The following FAM241A variants were observed in gnomAD, a reference collection of about 807,000 sequenced individuals.
FAM241A encodes uncharacterized protein FAM241A.
A neutral mutation model predicts 12.2 loss-of-function variants in FAM241A; 7 were observed. The observed-to-expected ratio is 0.58, with a 90% CI of 0.33 to 1.08. The LOEUF is 1.08. FAM241A is among the 50% of genes least tolerant of loss of function. FAM241A has a pLI of 0.04. For synonymous variants in FAM241A, 74 were observed against 68.2 expected (o/e 1.08, Z -0.42); for missense variants, 161 against 169.7 (o/e 0.95, Z 0.29).
intron 1 of FAM241A, among the ~76,000 whole-genome samples, chr4:112,180,782 A>G (rs1723918749): frequency 6.6e-6 from 1 of 152,198 alleles, no homozygotes; most frequent in African/African-American, 2.4e-5. Context: ...AGCAACTGGA[A>G]AAGTACGGAA....
rs2110437353 is a variant in FAM241A at position 112,188,121 on chromosome 4, A to G, written c.*1183A>G. 6.6e-6 allele frequency: 1 copy of G among 152,298 alleles called. No individual in the cohort carries two copies. Among genetic ancestry groups the G allele is most frequent in the South Asian group, 2.1e-4 (1 of 4,832 alleles). The allele number at this position is 152,298 out of a possible 1,614,324, so 9.4% of individuals were successfully genotyped here. ...TTTAAATATTCTTTGAAAATGGAGA[A>G]TGGCTTTAGTGATATTTTGGGTTTT... On this transcript the variant is annotated 3_prime_UTR_variant, in exon 2 of 2. Coordinates refer to ENST00000309733, the MANE Select transcript of FAM241A (RefSeq NM_152400.3).
rs2110440131 is a variant in FAM241A, at chr4:112,193,302, G to T, written c.*6364G>T. The T allele has an allele frequency of 6.6e-6, 1 of 152,272 alleles. No individual in the cohort carries two copies. Among genetic ancestry groups the T allele is most frequent in the African/African-American group, 2.4e-5 (1 of 41,530 alleles). The allele number at this position is 152,272 out of a possible 1,614,324, so 9.4% of individuals were successfully genotyped here. The stretch of plus-strand genomic sequence containing the variant: ...TTTTCTGCCATTTTGTAAGTTGCCT[G>T]TTCACTCTGATGGTAGTTTCTTTTG... On this transcript the variant is annotated 3_prime_UTR_variant, in exon 2 of 2. Transcript: ENST00000309733.
chr4:112,181,598 T>C (rs747858436), intron 1 of FAM241A, among the ~76,000 whole-genome samples: 1 of 152,178 alleles, frequency 6.6e-6, no homozygotes, highest in East Asian at 1.9e-4. Context: ...TCAGAATGCA[T>C]TGAAAGAGCA....
intron 1 of FAM241A, among the ~76,000 whole-genome samples, chr4:112,149,863 T>C (rs1307996038): frequency 6.6e-6 from 1 of 152,184 alleles, no homozygotes; most frequent in Non-Finnish European, 1.5e-5. Flanking sequence ...TATTTTCACA[T>C]TGGCTGTAAA....
rs186191252 is a variant in FAM241A, at chr4:112,158,110, T to C, written c.153+12377T>C. On this transcript the variant is annotated intron_variant, in intron 1 of 1. Transcript: ENST00000309733. ...CTTTGTCCTTCATTATTTATTTTAT[T>C]ATAATTTATTATTATGGTTTATTTA... 1.5e-3 allele frequency among the ~76,000 whole-genome samples: 234 copies of C among 152,148 alleles called. 1 individual carries two copies. The highest frequency in any genetic ancestry group is 5.5e-3 in the African/African-American group (229 of 41,570).
At chr4:112,181,925 G>A (rs2110434541) in intron 1 of FAM241A, among the ~76,000 whole-genome samples, 1 of 152,294 alleles carries the variant, frequency 6.6e-6, no homozygotes, top group Non-Finnish European at 1.5e-5. Context: ...AACCACTGTG[G>A]CTACATTGTG....
chr4:112,145,745 G>T lies in FAM241A; in HGVS notation c.153+12G>T. 1 of 1,181,112 alleles carries T rather than the reference G, an allele frequency of 8.5e-7. No individual in the cohort carries two copies. The highest frequency in any genetic ancestry group is 1.0e-6 in the Non-Finnish European group (1 of 955,352). 73.2% of individuals were successfully genotyped at this position (1,181,112 alleles called of 1,614,324 possible). A position where few individuals can be genotyped will look rare whatever the true frequency, so the allele number is the denominator to read the frequency against. ...AGGAGAGCGAGCAGGTGAGCGCGGG[G>T]AGGGGCGGCGGCGAAGCGGCCGGGT... On this transcript the variant is annotated intron_variant, in intron 1 of 1. Transcript: ENST00000309733.
chr4:112,177,702 G>A (rs958006943), intron 1 of FAM241A, among the ~76,000 whole-genome samples: 4 of 152,068 alleles, frequency 2.6e-5, no homozygotes, highest in Admixed American at 2.6e-4. Context: ...AAAATTACAA[G>A]CATCTTGAGA....
intron 1 of FAM241A, among the ~76,000 whole-genome samples, chr4:112,181,643 G>A (rs904500265): frequency 8.5e-5 from 13 of 152,202 alleles, no homozygotes; most frequent in African/African-American, 3.1e-4. Context: ...TGAAGCTTAA[G>A]CTAAGACCAA....
rs971442342 is a variant in FAM241A, at chr4:112,189,559, TAAAC to T, written c.*2623_*2626del. On this transcript the variant is annotated 3_prime_UTR_variant, in exon 2 of 2. Coordinates refer to ENST00000309733, the MANE Select transcript of FAM241A (RefSeq NM_152400.3). ...AAAGAAAAAGGTCGAAGTCTACAAA[TAAAC>T]AGACTGTAGATGAGTAAATCCATTT... is the stretch of plus-strand genomic sequence containing the variant. 9 of 152,128 alleles carry T rather than the reference TAAAC, an allele frequency of 5.9e-5. No homozygotes were observed. Among genetic ancestry groups the T allele is most frequent in the Admixed American group, 3.9e-4 (6 of 15,266 alleles). 9.4% of individuals were successfully genotyped at this position (152,128 alleles called of 1,614,324 possible).
At chr4:112,162,484 G>A (rs1012076039) in intron 1 of FAM241A, among the ~76,000 whole-genome samples, 30 of 152,108 alleles carry the variant, frequency 2.0e-4, no homozygotes, top group Admixed American at 2.6e-4. Flanking sequence ...AAATCAATGT[G>A]CAAAAATCAC....
chr4:112,159,364 T>C (rs1723416141), intron 1 of FAM241A, among the ~76,000 whole-genome samples: 1 of 152,206 alleles, frequency 6.6e-6, no homozygotes, highest in African/African-American at 2.4e-5. Flanking sequence ...ACGCAAATTC[T>C]TTGTGGAAAG....
At chr4:112,171,730 G>A (rs1723725326) in intron 1 of FAM241A, among the ~76,000 whole-genome samples, 1 of 152,078 alleles carries the variant, frequency 6.6e-6, no homozygotes, top group Admixed American at 6.5e-5. Flanking sequence ...ATGGTGGCGG[G>A]CGCCTGTAGT....
chr4:112,148,238 A>T (rs918811001), intron 1 of FAM241A, among the ~76,000 whole-genome samples: 1 of 151,628 alleles, frequency 6.6e-6, no homozygotes, highest in Admixed American at 6.6e-5. Context: ...TTTTCTTTCC[A>T]CTTCTGTCTG....
chr4:112,179,965 A>G (rs947281535), intron 1 of FAM241A, among the ~76,000 whole-genome samples: 2 of 142,452 alleles, frequency 1.4e-5, no homozygotes, highest in Non-Finnish European at 3.0e-5. Flanking sequence ...GTGTGTATAT[A>G]TATATATCAC....
In FAM241A at chr4:112,193,069, G is replaced by A. The variant is rs1446350555; in HGVS notation, c.*6131G>A. The A allele has an allele frequency of 6.6e-6, 1 of 151,574 alleles. No individual in the cohort carries two copies. Among genetic ancestry groups the A allele is most frequent in the Non-Finnish European group, 1.5e-5 (1 of 67,958 alleles). The allele number at this position is 151,574 out of a possible 1,614,324, so 9.4% of individuals were successfully genotyped here. A position where few individuals can be genotyped will look rare whatever the true frequency, so the allele number is the denominator to read the frequency against. ...TGGTGTGAGATGGTATCTCATTGTG[G>A]TTTTGATTTGCATTTCTCTGATGGT... On this transcript the variant is annotated 3_prime_UTR_variant, in exon 2 of 2. Coordinates refer to ENST00000309733, the MANE Select transcript of FAM241A (RefSeq NM_152400.3).
intron 1 of FAM241A, among the ~76,000 whole-genome samples, chr4:112,181,444 T>C (rs1298324703): frequency 6.6e-6 from 1 of 152,232 alleles, no homozygotes; most frequent in African/African-American, 2.4e-5. Flanking sequence ...TGTTTCTATA[T>C]GCTGCTATTT....
Position 112,169,991 on chromosome 4 carries a change from A to G in FAM241A, c.154-16702A>G, listed in dbSNP as rs982966671. ...AAAAAGCCTTTTTTTGGAGAGGTTAAGTGGGATGGTAGAGTGGATTAAGTG... is the reference window on the plus strand; with the variant it reads ...AAAAAGCCTTTTTTTGGAGAGGTTAGGTGGGATGGTAGAGTGGATTAAGTG... On this transcript the variant is annotated intron_variant, in intron 1 of 1. Transcript: ENST00000309733. 5.3e-5 allele frequency among the ~76,000 whole-genome samples: 8 copies of G among 152,314 alleles called. No individual in the cohort carries two copies. In the East Asian group the frequency reaches 1.5e-3, roughly 29 times the overall value.
chr4:112,148,379 A>AACATAGG (rs1723181912), intron 1 of FAM241A, among the ~76,000 whole-genome samples: 1 of 152,156 alleles, frequency 6.6e-6, no homozygotes, highest in Non-Finnish European at 1.5e-5. Flanking sequence ...ACCTAGTATT[A>AACATAGG]ACATAGGTGT....
Sources: gnomAD v4.1 joint callset for allele counts (sites outside exome capture counted in the v4.1 genomes callset) on GRCh38, gnomAD v4.1.1 for gene constraint, MANE v1.5 for transcripts, NCBI Gene and HGNC (gene_info 2026-07-23, HGNC 2026-07-21) for gene names.